MAML3: variants seen among roughly 807,000 people sequenced by gnomAD.
The protein encoded by MAML3 is mastermind like transcriptional coactivator 3.
In MAML3, 27 loss-of-function variants were observed where a neutral mutation model predicts 101.9. That is an observed-to-expected ratio of 0.27 (90% CI 0.20 to 0.37). The LOEUF (loss-of-function observed/expected upper bound fraction) is 0.37, where lower values mean the gene tolerates loss of function less well. Ranked by LOEUF, MAML3 falls within the 10% of genes least tolerant of loss-of-function variation. The pLI, the probability that MAML3 is intolerant of heterozygous loss-of-function variation, is 1.00. For synonymous variants in MAML3, 501 were observed against 555.9 expected (o/e 0.90, Z 1.39); for missense variants, 1,316 against 1,444.9 (o/e 0.91, Z 1.45).
intron 2 of MAML3, among the ~76,000 whole-genome samples, chr4:139,833,999 T>TG (rs909372343): frequency 9.9e-5 from 15 of 151,886 alleles, no homozygotes; most frequent in Non-Finnish European, 2.1e-4. Context: ...AAAATCAGGT[T>TG]GGGGGCAGGG....
At chr4:140,135,813 A>G (rs554629603) in intron 1 of MAML3, among the ~76,000 whole-genome samples, 1 of 152,332 alleles carries the variant, frequency 6.6e-6, no homozygotes, top group South Asian at 2.1e-4. Flanking sequence ...TCAGCCCAGG[A>G]GCTGTTTTAT....
chr4:139,870,285 C>T (rs972005983), intron 2 of MAML3, among the ~76,000 whole-genome samples: 3 of 152,124 alleles, frequency 2.0e-5, no homozygotes, highest in Non-Finnish European at 4.4e-5. Flanking sequence ...GCGTCAATTC[C>T]CCGTTCCCCT....
intron 2 of MAML3, among the ~76,000 whole-genome samples, chr4:139,793,763 T>C (rs1250627462): frequency 6.6e-6 from 1 of 152,222 alleles, no homozygotes; most frequent in African/African-American, 2.4e-5. Context: ...CCAGAGGGTA[T>C]TAAACACATT....
chr4:139,968,995 G>A (rs771041743), intron 1 of MAML3, among the ~76,000 whole-genome samples: 1 of 151,912 alleles, frequency 6.6e-6, no homozygotes, highest in East Asian at 1.9e-4. Context: ...CACAAGCAGA[G>A]CAAGAGAAAC....
intron 2 of MAML3, among the ~76,000 whole-genome samples, chr4:139,850,717 G>A (rs904038263): frequency 5.9e-5 from 9 of 151,782 alleles, no homozygotes; most frequent in Non-Finnish European, 1.5e-5. Context: ...ATTTTTTTGT[G>A]TTTGTGGTAA....
intron 2 of MAML3, among the ~76,000 whole-genome samples, chr4:139,875,078 C>T (rs958505849): frequency 6.6e-6 from 1 of 152,182 alleles, no homozygotes; most frequent in Non-Finnish European, 1.5e-5. Context: ...GCTGGGATTA[C>T]AGGCGTGAGC....
intron 1 of MAML3, among the ~76,000 whole-genome samples, chr4:139,959,803 T>C (rs1733979525): frequency 6.6e-6 from 1 of 152,246 alleles, no homozygotes; most frequent in Admixed American, 6.5e-5. Flanking sequence ...AGTATAAATA[T>C]TCCATTTTTC....
intron 2 of MAML3, among the ~76,000 whole-genome samples, chr4:139,845,076 C>T (rs1731419167): frequency 6.6e-6 from 1 of 152,156 alleles, no homozygotes; most frequent in Non-Finnish European, 1.5e-5. Flanking sequence ...TGTTGACTTG[C>T]AGTCCAATAC....
At chr4:140,057,294 C>CT (rs1039688707) in intron 1 of MAML3, among the ~76,000 whole-genome samples, 62 of 152,190 alleles carry the variant, frequency 4.1e-4, no homozygotes, top group African/African-American at 1.4e-3. Context: ...CCCCAAAAGA[C>CT]TAATATGGAC....
At chr4:139,899,619 A>G (rs1732678326) in intron 1 of MAML3, among the ~76,000 whole-genome samples, 1 of 152,226 alleles carries the variant, frequency 6.6e-6, no homozygotes, top group Non-Finnish European at 1.5e-5. Flanking sequence ...AGTTGGATAC[A>G]TTTGTTTTAG....
intron 2 of MAML3, among the ~76,000 whole-genome samples, chr4:139,766,457 C>A (rs1409423175): frequency 1.2e-4 from 18 of 152,198 alleles, no homozygotes; most frequent in Admixed American, 1.2e-3. Context: ...CAGACGTGAG[C>A]CACCGTGCCC....
At position 139,735,142 on chromosome 4, in the gene MAML3, A is replaced by T. The variant is rs1334539715; in HGVS notation, c.2080-4475T>A. Among the ~76,000 whole-genome samples the T allele has an allele frequency of 6.6e-6, 1 of 152,230 alleles. No individual in the cohort carries two copies. The highest frequency in any genetic ancestry group is 1.9e-4 in the East Asian group (1 of 5,184). On this transcript the variant is annotated intron_variant, in intron 2 of 4. Coordinates refer to ENST00000509479, the MANE Select transcript of MAML3 (RefSeq NM_018717.5). This position sits in a 1 kb window ranked among gnomAD's most constrained non-coding sequence, Gnocchi z 5.8. ...GCCAGGCAGTCAAGTGTTACTGCGT[A>T]CAGCAGGTAGCCTGGCAACTGAGAG...
At chr4:140,049,296 G>A (rs1266114922) in intron 1 of MAML3, among the ~76,000 whole-genome samples, 1 of 152,148 alleles carries the variant, frequency 6.6e-6, no homozygotes, top group Non-Finnish European at 1.5e-5. Flanking sequence ...GGGAGAGGAG[G>A]ACCCACCGGT....
At chr4:140,121,396 C>T (rs1228038227) in intron 1 of MAML3, among the ~76,000 whole-genome samples, 2 of 152,202 alleles carry the variant, frequency 1.3e-5, no homozygotes, top group African/African-American at 4.8e-5. Flanking sequence ...TAATAGTAAA[C>T]AAGTTCCAAG....
At chr4:139,955,283 ATATCT>A (rs1733896524) in intron 1 of MAML3, among the ~76,000 whole-genome samples, 1 of 152,148 alleles carries the variant, frequency 6.6e-6, no homozygotes, top group African/African-American at 2.4e-5. Flanking sequence ...AATTTTTAAA[ATATCT>A]TAGGAGCAAA....
At chr4:139,966,111 G>T (rs1229127115) in intron 1 of MAML3, among the ~76,000 whole-genome samples, 1 of 152,136 alleles carries the variant, frequency 6.6e-6, no homozygotes, top group African/African-American at 2.4e-5. Flanking sequence ...GATTTTGGCA[G>T]TGCAGTCAAC....
At chr4:140,134,447 T>A (rs1728849234) in intron 1 of MAML3, 1 of 452,016 alleles carries the variant, frequency 2.2e-6, no homozygotes, top group Non-Finnish European at 4.5e-6. Context: ...AGTGCATATC[T>A]ACTTACAGCA....
intron 1 of MAML3, among the ~76,000 whole-genome samples, chr4:140,113,506 G>A (rs902947839): frequency 2.6e-5 from 4 of 152,024 alleles, no homozygotes; most frequent in Non-Finnish European, 5.9e-5. Context: ...TTTCTTCAAC[G>A]ATGCCAGTCA....
At chr4:140,146,563 A>G (rs4555576) in intron 1 of MAML3, among the ~76,000 whole-genome samples, 151,862 of 152,266 alleles carry the variant, frequency 1, 75,732 homozygotes, top group Middle Eastern at 1. Context: ...CTGATTTTTC[A>G]GAAGCTACAT....
Sources: allele counts gnomAD v4.1 joint callset (sites outside exome capture counted in the v4.1 genomes callset), GRCh38; gene constraint gnomAD v4.1.1; non-coding constraint Gnocchi (gnomAD v3.1); transcripts MANE v1.5; gene names NCBI Gene and HGNC (gene_info 2026-07-23, HGNC 2026-07-21).